Variants in PTPRD observed in about 807,000 individuals in gnomAD.
PTPRD encodes protein tyrosine phosphatase receptor type D, also known as receptor-type tyrosine-protein phosphatase delta.
A neutral mutation model predicts 214.5 loss-of-function variants in PTPRD; 34 were observed. The observed-to-expected ratio is 0.16, with a 90% CI of 0.12 to 0.21. The LOEUF is 0.21. Ranked by LOEUF, PTPRD falls within the 10% of genes least tolerant of loss-of-function variation. PTPRD has a pLI of 1.00. For synonymous variants in PTPRD, 1,128 were observed against 845.7 expected (o/e 1.33, Z -5.79); for missense variants, 2,545 against 2,398.7 (o/e 1.06, Z -1.27).
chr9:9,196,433 T>C (rs749319541), intron 9 of PTPRD, among the ~76,000 whole-genome samples: 6 of 152,316 alleles, frequency 3.9e-5, no homozygotes, highest in Middle Eastern at 3.4e-3. Flanking sequence ...TTTAATTTAA[T>C]GGAGACACTC....
At chr9:10,421,910 C>T (rs989548896) in intron 2 of PTPRD, among the ~76,000 whole-genome samples, 1 of 151,644 alleles carries the variant, frequency 6.6e-6, no homozygotes, top group Non-Finnish European at 1.5e-5. Flanking sequence ...CTGTGGGAAC[C>T]CAGAAAAGTA....
At chr9:10,178,870 G>A (rs10958936) in intron 3 of PTPRD, among the ~76,000 whole-genome samples, 56,071 of 151,572 alleles carry the variant, frequency 0.37, 11,795 homozygotes, top group African/African-American at 0.56. Flanking sequence ...AAAATGTCCC[G>A]GTTGAAACTA....
chr9:9,292,053 C>T (rs1043122507), intron 9 of PTPRD, among the ~76,000 whole-genome samples: 3 of 151,270 alleles, frequency 2.0e-5, no homozygotes, highest in Non-Finnish European at 3.0e-5. Flanking sequence ...TATTTTATCT[C>T]CTCAGAAGAT....
intron 2 of PTPRD, among the ~76,000 whole-genome samples, chr9:10,463,266 T>G (rs2098971386): frequency 6.6e-6 from 1 of 152,074 alleles, no homozygotes; most frequent in Non-Finnish European, 1.5e-5. Flanking sequence ...GAGCATTTAT[T>G]TGAGAAGTGA....
intron 3 of PTPRD, among the ~76,000 whole-genome samples, chr9:10,040,072 G>A (rs2097267632): frequency 6.6e-6 from 1 of 151,976 alleles, no homozygotes; most frequent in Non-Finnish European, 1.5e-5. Flanking sequence ...GGATAGGACT[G>A]GAATGAAAAT....
intron 8 of PTPRD, among the ~76,000 whole-genome samples, chr9:9,555,030 C>T (rs924803175): frequency 1.3e-5 from 2 of 151,832 alleles, no homozygotes; most frequent in African/African-American, 4.8e-5. Flanking sequence ...GAAAATAATT[C>T]TATATTAGAA....
In PTPRD at chr9:8,316,710, T is replaced by TTGA. The variant is rs1425258245; in HGVS notation, c.*1161_*1163dup. On this transcript the variant is annotated 3_prime_UTR_variant, in exon 46 of 46. Transcript: ENST00000381196. The stretch of plus-strand genomic sequence containing the variant: ...CAAACAAAACAATTTGTGGATGTGA[T>TTGA]TGATTGGTTAGGTGGGGGTAGATTA... 2.2e-5 allele frequency: 5 copies of TTGA among 230,562 alleles called. No homozygotes were observed. Among genetic ancestry groups the TTGA allele is most frequent in the Non-Finnish European group, 3.4e-5 (4 of 116,236 alleles). 14.3% of individuals were successfully genotyped at this position (230,562 alleles called of 1,614,324 possible). A position where few individuals can be genotyped will look rare whatever the true frequency, so the allele number is the denominator to read the frequency against.
intron 11 of PTPRD, among the ~76,000 whole-genome samples, chr9:8,789,071 A>G (rs1302276202): frequency 1.3e-5 from 2 of 152,194 alleles, no homozygotes; most frequent in Admixed American, 6.5e-5. Context: ...GCCAGTAAGA[A>G]GCATTTGCTT....
chr9:10,579,307 C>G (rs554905071), intron 2 of PTPRD, among the ~76,000 whole-genome samples: 6 of 152,188 alleles, frequency 3.9e-5, no homozygotes, highest in Middle Eastern at 3.4e-3. Flanking sequence ...GTCTATTGTT[C>G]CCATCTTTAT....
intron 5 of PTPRD, among the ~76,000 whole-genome samples, chr9:9,790,890 A>T (rs2098962289): frequency 6.6e-6 from 1 of 152,206 alleles, no homozygotes. Flanking sequence ...TACATGTAAA[A>T]ACCCAAACTA....
At chr9:8,667,509 G>A (rs894354468) in intron 12 of PTPRD, among the ~76,000 whole-genome samples, 5 of 152,066 alleles carry the variant, frequency 3.3e-5, no homozygotes, top group South Asian at 4.1e-4. Context: ...ACATGACACC[G>A]AAAGTGAAAA....
At chr9:9,702,148 A>AGAGAGAGAGAGAAAGAT (rs2097518849) in intron 7 of PTPRD, among the ~76,000 whole-genome samples, 1 of 152,124 alleles carries the variant, frequency 6.6e-6, no homozygotes. Flanking sequence ...GAGAGAAAGA[A>AGAGAGAGAGAGAAAGAT]AGAGAGGAAA....
At chr9:9,158,684 A>G (rs2099883522) in intron 10 of PTPRD, among the ~76,000 whole-genome samples, 1 of 152,156 alleles carries the variant, frequency 6.6e-6, no homozygotes, top group Non-Finnish European at 1.5e-5. Context: ...ATTGAAGTGG[A>G]GGGAATACTT....
At chr9:9,465,178 G>A (rs1448537532) in intron 8 of PTPRD, among the ~76,000 whole-genome samples, 4 of 152,166 alleles carry the variant, frequency 2.6e-5, no homozygotes, top group Non-Finnish European at 5.9e-5. Flanking sequence ...TTAATAAGCT[G>A]TAGAAATGTA....
At chr9:8,369,428 T>C (rs2134287256) in intron 39 of PTPRD, among the ~76,000 whole-genome samples, 1 of 151,956 alleles carries the variant, frequency 6.6e-6, no homozygotes, top group Middle Eastern at 3.4e-3. Context: ...AGATTGGAAC[T>C]TAGGAGTTTT....
intron 43 of PTPRD, among the ~76,000 whole-genome samples, chr9:8,336,033 C>T (rs1317079808): frequency 6.6e-6 from 1 of 151,740 alleles, no homozygotes; most frequent in Admixed American, 6.6e-5. Flanking sequence ...GCCATACTGC[C>T]CAAGGTAATT....
intron 5 of PTPRD, among the ~76,000 whole-genome samples, chr9:9,927,985 G>A (rs977273231): frequency 7.5e-6 from 1 of 132,560 alleles, no homozygotes; most frequent in Non-Finnish European, 1.7e-5. Flanking sequence ...CATAAAACTT[G>A]TTTTTATGTA....
chr9:8,824,879 C>T (rs912654288), intron 11 of PTPRD, among the ~76,000 whole-genome samples: 2 of 152,156 alleles, frequency 1.3e-5, no homozygotes, highest in East Asian at 1.9e-4. Flanking sequence ...GTTCTTGAAA[C>T]GTAGTATTTT....
chr9:8,658,354 G>A (rs573645221), intron 12 of PTPRD, among the ~76,000 whole-genome samples: 81 of 152,206 alleles, frequency 5.3e-4, no homozygotes, highest in African/African-American at 1.9e-3. Flanking sequence ...TGCTATATGA[G>A]AACCACTGTG....
Sources: gnomAD v4.1 joint callset for allele counts (sites outside exome capture counted in the v4.1 genomes callset) on GRCh38, gnomAD v4.1.1 for gene constraint, MANE v1.5 for transcripts, NCBI Gene and HGNC (gene_info 2026-07-23, HGNC 2026-07-21) for gene names.